The following GABARAPL1 variants were observed in gnomAD, a reference collection of about 807,000 sequenced individuals.
GABARAPL1 encodes gamma-aminobutyric acid receptor-associated protein-like 1.
A neutral mutation model predicts 14.5 loss-of-function variants in GABARAPL1; 4 were observed. The observed-to-expected ratio is 0.28, with a 90% CI of 0.14 to 0.63. The LOEUF (loss-of-function observed/expected upper bound fraction) is 0.63, where lower values mean the gene tolerates loss of function less well. Among genes scored for constraint, GABARAPL1 ranks in the 30% least tolerant of loss-of-function variants. GABARAPL1 has a pLI of 0.84. For missense variants in GABARAPL1, 82 were observed against 139.2 expected (o/e 0.59, Z 2.07); for synonymous variants, 47 against 50.6 (o/e 0.93, Z 0.30).
rs941227298 is a variant in GABARAPL1 at position 10,213,343 on chromosome 12, A to G, written c.90+124A>G. The G allele has an allele frequency of 6.0e-5, 43 of 714,916 alleles. No homozygotes were observed. In the East Asian group the frequency reaches 1.2e-3, roughly 19 times the overall value. 44.3% of individuals were successfully genotyped at this position (714,916 alleles called of 1,614,324 possible). On this transcript the variant is annotated intron_variant, in intron 1 of 3. Transcript: ENST00000266458. ...AGAAGGGAGGTTCCGAGAATTACTT[A>G]ATCCTGAACGCCCTTCAGTGCCAGA...
intron 2 of GABARAPL1, among the ~76,000 whole-genome samples, chr12:10,219,965 C>T (rs1360391005): frequency 6.6e-6 from 1 of 152,266 alleles, no homozygotes; most frequent in Non-Finnish European, 1.5e-5. Context: ...AAAGGCAAAG[C>T]ATTGAACCTT....
intron 1 of GABARAPL1, among the ~76,000 whole-genome samples, chr12:10,217,098 A>T (rs1352392437): frequency 6.6e-6 from 1 of 152,200 alleles, no homozygotes; most frequent in East Asian, 1.9e-4. Context: ...TGTATAAAAA[A>T]ATCTTTTATA....
chr12:10,219,668 C>T (rs370192124), intron 2 of GABARAPL1, among the ~76,000 whole-genome samples: 65 of 151,838 alleles, frequency 4.3e-4, no homozygotes, highest in African/African-American at 1.4e-3. Flanking sequence ...GGCATGGTGG[C>T]GCGTGCCTGT....
intron 3 of GABARAPL1, chr12:10,221,070 G>A: frequency 1.0e-6 from 1 of 985,376 alleles, no homozygotes; most frequent in Non-Finnish European, 1.2e-6. Flanking sequence ...TATGAACTCT[G>A]AAGTTTTGGC....
intron 1 of GABARAPL1, among the ~76,000 whole-genome samples, chr12:10,217,105 T>A (rs1241944073): frequency 6.6e-6 from 1 of 152,210 alleles, no homozygotes; most frequent in Admixed American, 6.5e-5. Context: ...AAAAATCTTT[T>A]ATATTTTTAT....
At chr12:10,219,329 A>C (rs993567278) in intron 2 of GABARAPL1, among the ~76,000 whole-genome samples, 58 of 105,544 alleles carry the variant, frequency 5.5e-4, no homozygotes, top group African/African-American at 1.5e-3. Context: ...AAAAAAACAA[A>C]AAACAAAAAA....
intron 3 of GABARAPL1, 132 bp downstream of exon 3, chr12:10,220,690 A>G (rs779055179): frequency 2.6e-6 from 4 of 1,549,496 alleles, no homozygotes; most frequent in Non-Finnish European, 3.5e-6. Flanking sequence ...ATCCTCTTAC[A>G]TATGGCAGTG....
chr12:10,219,278 C>T (rs1949106734), intron 2 of GABARAPL1, among the ~76,000 whole-genome samples: 1 of 150,310 alleles, frequency 6.7e-6, no homozygotes. Context: ...GAGATCGCAC[C>T]ACTGCACTCC....
intron 2 of GABARAPL1, 63 bp from the exon 3 acceptor site, chr12:10,220,377 C>G (rs1249864728): frequency 3.7e-6 from 6 of 1,605,880 alleles, no homozygotes; most frequent in Non-Finnish European, 5.1e-6. Context: ...CCAGGACTTA[C>G]CCTTCTACTA....
chr12:10,219,816 T>A (rs79541348), intron 2 of GABARAPL1, among the ~76,000 whole-genome samples: 30 of 151,138 alleles, frequency 2.0e-4, no homozygotes, highest in Non-Finnish European at 3.7e-4. Flanking sequence ...AAAAAAAAAA[T>A]ACATATATTC....
intron 1 of GABARAPL1, 63 bp downstream of exon 1, chr12:10,213,282 C>T: frequency 2.9e-6 from 3 of 1,029,016 alleles, no homozygotes; most frequent in African/African-American, 1.6e-5. Context: ...GGCGGGTAGT[C>T]GAGATGGCTT....
intron 1 of GABARAPL1, 185 bp downstream of exon 1, chr12:10,213,404 C>G (rs1949069240): frequency 3.0e-6 from 2 of 670,710 alleles, no homozygotes; most frequent in East Asian, 2.8e-5. Context: ...CTTTTAAAAC[C>G]CCGTATGCCT....
In GABARAPL1 at chr12:10,213,016, G is replaced by A; in HGVS notation, c.-114G>A. 1 of 679,384 alleles carries A rather than the reference G, an allele frequency of 1.5e-6. No individual in the cohort carries two copies. Among genetic ancestry groups the A allele is most frequent in the Non-Finnish European group, 2.7e-6 (1 of 376,402 alleles). The allele number at this position is 679,384 out of a possible 1,614,324, so 42.1% of individuals were successfully genotyped here. On this transcript the variant is annotated 5_prime_UTR_variant, in exon 1 of 4. Coordinates refer to ENST00000266458, the MANE Select transcript of GABARAPL1 (RefSeq NM_031412.4). ...GCCCAGCGCTGTTGCCCCCGGAGCG[G>A]ACGTTTCTGCAGCTATTCTGAGCAC...
chr12:10,213,505 C>G (rs1489115248), intron 1 of GABARAPL1: 3 of 398,444 alleles, frequency 7.5e-6, no homozygotes, highest in Non-Finnish European at 1.4e-5. Context: ...GTCTCAGCAG[C>G]TGAGACCGTG....
chr12:10,214,024 T>G, intron 1 of GABARAPL1: 1 of 352,606 alleles, frequency 2.8e-6, no homozygotes, highest in South Asian at 2.0e-5. Context: ...CCGGGCGTTT[T>G]CCCCATTACC....
At position 10,221,960 on chromosome 12, in the gene GABARAPL1, G is replaced by T; in HGVS notation, c.*108G>T. ...GGCTCCCACCGCAAGGAGACAGAAG[G>T]TGAAGACATCTAGAAACATTACACC... On this transcript the variant is annotated 3_prime_UTR_variant, in exon 4 of 4. Transcript: ENST00000266458. 1 of 891,500 alleles carries T rather than the reference G, an allele frequency of 1.1e-6. No homozygotes were observed. The highest frequency in any genetic ancestry group is 1.9e-5 in the Admixed American group (1 of 51,772). 55.2% of individuals were successfully genotyped at this position (891,500 alleles called of 1,614,324 possible). A position where few individuals can be genotyped will look rare whatever the true frequency, so the allele number is the denominator to read the frequency against.
intron 1 of GABARAPL1, 167 bp downstream of exon 1, chr12:10,213,386 CT>C (rs1949069107): frequency 1.4e-6 from 1 of 695,614 alleles, no homozygotes; most frequent in Admixed American, 2.0e-5. Flanking sequence ...GACGTCCAGA[CT>C]GTAGAGCTTT....
rs902950421 is a variant in GABARAPL1, at chr12:10,213,038, G to A, written c.-92G>A. The stretch of plus-strand genomic sequence containing the variant: ...GCGGACGTTTCTGCAGCTATTCTGA[G>A]CACACCTTGACGTCGGCTGAGGGAG... On this transcript the variant is annotated 5_prime_UTR_variant, in exon 1 of 4. Transcript: ENST00000266458. 2 of 775,788 alleles carry A rather than the reference G, an allele frequency of 2.6e-6. No homozygotes were observed. The highest frequency in any genetic ancestry group is 1.5e-5 in the South Asian group (1 of 65,258). 48.1% of individuals were successfully genotyped at this position (775,788 alleles called of 1,614,324 possible). A position where few individuals can be genotyped will look rare whatever the true frequency, so the allele number is the denominator to read the frequency against.
chr12:10,220,689 CAT>C, intron 3 of GABARAPL1, 131 bp downstream of exon 3: 1 of 1,549,760 alleles, frequency 6.5e-7, no homozygotes, highest in Non-Finnish European at 8.7e-7. Context: ...GATCCTCTTA[CAT>C]ATGGCAGTGT....
Sources: gnomAD v4.1 joint callset for allele counts (sites outside exome capture counted in the v4.1 genomes callset) on GRCh38, gnomAD v4.1.1 for gene constraint, MANE v1.5 for transcripts, NCBI Gene and HGNC (gene_info 2026-07-23, HGNC 2026-07-21) for gene names.